CELF6: variants seen among roughly 807,000 people sequenced by gnomAD.
CELF6 encodes Bruno -like 6, RNA binding protein.
A neutral mutation model predicts 53.1 loss-of-function variants in CELF6; 32 were observed. The ratio of observed to expected loss-of-function variants is 0.60; its 90% CI spans 0.46 to 0.81. The LOEUF (loss-of-function observed/expected upper bound fraction) is 0.81. CELF6 is among the 30% of genes least tolerant of loss of function. The pLI is 0.00. For missense variants in CELF6, 539 were observed against 669.5 expected (o/e 0.81, Z 2.15); for synonymous variants, 291 against 288.8 (o/e 1.01, Z -0.08).
chr15:72,298,172 A>G (rs1427269496), intron 3 of CELF6, among the ~76,000 whole-genome samples: 1 of 152,176 alleles, frequency 6.6e-6, no homozygotes, highest in African/African-American at 2.4e-5. Flanking sequence ...TCAAAATTCA[A>G]TTTTAACTCA....
chr15:72,314,726 C>T (rs560188750), intron 2 of CELF6, among the ~76,000 whole-genome samples: 1 of 151,464 alleles, frequency 6.6e-6, no homozygotes, highest in Non-Finnish European at 1.5e-5. Flanking sequence ...TTCCAAGTAG[C>T]TGGGACTACA....
At chr15:72,290,602 G>A (rs1034445484) in intron 3 of CELF6, among the ~76,000 whole-genome samples, 1 of 152,156 alleles carries the variant, frequency 6.6e-6, no homozygotes, top group Non-Finnish European at 1.5e-5. Context: ...TTAGAGGTTG[G>A]GAAACGCTGT....
At chr15:72,318,757 G>A (rs2088392186) in intron 1 of CELF6, among the ~76,000 whole-genome samples, 1 of 152,248 alleles carries the variant, frequency 6.6e-6, no homozygotes, top group South Asian at 2.1e-4. Context: ...TGTGAGGGGA[G>A]GGAAAGAAAG....
intron 3 of CELF6, among the ~76,000 whole-genome samples, chr15:72,296,248 G>A (rs1280418130): frequency 6.6e-6 from 1 of 152,164 alleles, no homozygotes; most frequent in Non-Finnish European, 1.5e-5. Flanking sequence ...AGTCCTAAAT[G>A]TAAGAGCTAA....
At chr15:72,301,740 T>G (rs1421501406) in intron 3 of CELF6, among the ~76,000 whole-genome samples, 1 of 149,398 alleles carries the variant, frequency 6.7e-6, no homozygotes, top group African/African-American at 2.5e-5. Context: ...GTTGATTTTT[T>G]TTTTTTTTTT....
intron 2 of CELF6, chr15:72,306,431 A>G: frequency 3.0e-6 from 1 of 336,494 alleles, no homozygotes; most frequent in Non-Finnish European, 4.2e-6. Flanking sequence ...CCGAGACAAC[A>G]GGCAGCTTCC....
In CELF6 at chr15:72,290,035, G is replaced by A. The variant is rs374757353; in HGVS notation, c.524-17C>T. ...AGGCACAGCCTGGGGCAGGACAGAG[G>A]GAGCGGGTGGCTCAGGCCACAGGGG... is the stretch of plus-strand genomic sequence containing the variant. On this transcript the variant is annotated splice_polypyrimidine_tract_variant and intron_variant, in intron 4 of 12. Transcript: ENST00000287202. 6.2e-7 allele frequency: 1 copy of A among 1,612,504 alleles called. No individual in the cohort carries two copies. Among genetic ancestry groups the A allele is most frequent in the East Asian group, 2.2e-5 (1 of 44,838 alleles).
chr15:72,311,592 C>T (rs534057393), intron 2 of CELF6, among the ~76,000 whole-genome samples: 2 of 151,618 alleles, frequency 1.3e-5, no homozygotes, highest in East Asian at 3.9e-4. Context: ...TTAGTAGAGA[C>T]GGGGTTTCAC....
intron 3 of CELF6, 138 bp from the exon 4 acceptor site, chr15:72,290,393 G>T: frequency 9.3e-7 from 1 of 1,076,360 alleles, no homozygotes; most frequent in Non-Finnish European, 1.3e-6. Context: ...GGCTTCCAGG[G>T]TTGGTTTTCA....
rs541818810 is a variant in CELF6 at position 72,287,083 on chromosome 15, C to G, written c.*28+154G>C. 3.9e-5 allele frequency among the ~76,000 whole-genome samples: 6 copies of G among 152,336 alleles called. No homozygotes were observed. The South Asian group carries it at 1.2e-3, about 32-fold the overall frequency. On this transcript the variant is annotated intron_variant, in intron 12 of 12. Transcript: ENST00000287202. ...CCTTGGATTGAAGGAAAAGCAAAGT[C>G]TCCATCTGAGGTTTCCTCCTAGCTC... is the stretch of plus-strand genomic sequence containing the variant.
In CELF6 at chr15:72,289,931, G is replaced by T; in HGVS notation, c.603+8C>A. On this transcript the variant is annotated splice_region_variant and intron_variant, in intron 5 of 12. Coordinates refer to ENST00000287202, the MANE Select transcript of CELF6 (RefSeq NM_052840.5). The surrounding 1 kb of genome is among the most constrained non-coding windows in gnomAD (Gnocchi z 7.6). ...GCCTCACCCTCAGCCCAGGGAACCCGCCCTCACCGCCATGGTCCGGCTGCC... is the reference window on the plus strand; with the variant it reads ...GCCTCACCCTCAGCCCAGGGAACCCTCCCTCACCGCCATGGTCCGGCTGCC... 1.9e-6 allele frequency: 3 copies of T among 1,556,994 alleles called. No individual in the cohort carries two copies. The highest frequency in any genetic ancestry group is 8.7e-7 in the Non-Finnish European group (1 of 1,152,936).
intron 11 of CELF6, among the ~76,000 whole-genome samples, chr15:72,287,931 G>A (rs549558072): frequency 4.6e-5 from 7 of 151,636 alleles, no homozygotes; most frequent in Admixed American, 3.9e-4. Context: ...TTTCCCTCTC[G>A]GATTCAAGAA....
At chr15:72,294,050 A>G (rs780730966) in intron 3 of CELF6, among the ~76,000 whole-genome samples, 1 of 152,164 alleles carries the variant, frequency 6.6e-6, no homozygotes, top group African/African-American at 2.4e-5. Context: ...GCCCATCTCC[A>G]TGAAGCTGCC....
chr15:72,317,039 G>C (rs2088372038), intron 1 of CELF6, among the ~76,000 whole-genome samples: 1 of 152,204 alleles, frequency 6.6e-6, no homozygotes. Flanking sequence ...TATGAAGACT[G>C]AATCAAGAAT....
In CELF6 at chr15:72,288,699, CCAATT is replaced by C; in HGVS notation, c.1094-86_1094-82del. On this transcript the variant is annotated intron_variant, in intron 9 of 12. Coordinates refer to ENST00000287202, the MANE Select transcript of CELF6 (RefSeq NM_052840.5). This position sits in a 1 kb window ranked among gnomAD's most constrained non-coding sequence, Gnocchi z 4.6. The stretch of plus-strand genomic sequence containing the variant: ...GCCCCAACTGCCTGGCCGCTTTTGA[CCAATT>C]CAGCCCAGTCCACCATAACCCTCAC... 9 of 1,421,194 alleles carry C rather than the reference CCAATT, an allele frequency of 6.3e-6. No individual in the cohort carries two copies. Among genetic ancestry groups the C allele is most frequent in the Non-Finnish European group, 8.7e-6 (9 of 1,033,278 alleles). 88.0% of individuals were successfully genotyped at this position (1,421,194 alleles called of 1,614,324 possible).
In CELF6 at chr15:72,289,085, C is replaced by T; in HGVS notation, c.1030+53G>A. On this transcript the variant is annotated intron_variant, in intron 8 of 12. Transcript: ENST00000287202. This position sits in a 1 kb window ranked among gnomAD's most constrained non-coding sequence, Gnocchi z 7.6. ...AGGGAAGCCAGGCCCTAACCCCCCA[C>T]CCCCCGCTCCCCACTCCATTTCGGG... 3 of 1,401,846 alleles carry T rather than the reference C, an allele frequency of 2.1e-6. No individual in the cohort carries two copies. The highest frequency in any genetic ancestry group is 2.8e-5 in the Admixed American group (1 of 36,246). 86.8% of individuals were successfully genotyped at this position (1,401,846 alleles called of 1,614,324 possible). A position where few individuals can be genotyped will look rare whatever the true frequency, so the allele number is the denominator to read the frequency against.
chr15:72,299,918 A>C (rs1290914320), intron 3 of CELF6, among the ~76,000 whole-genome samples: 2 of 152,228 alleles, frequency 1.3e-5, no homozygotes, highest in African/African-American at 4.8e-5. Flanking sequence ...TGGTACTCTG[A>C]GAAAAGTGTT....
intron 2 of CELF6, among the ~76,000 whole-genome samples, chr15:72,312,410 T>A (rs1379741596): frequency 6.6e-6 from 1 of 152,152 alleles, no homozygotes; most frequent in Admixed American, 6.5e-5. Flanking sequence ...GCAGATCACT[T>A]GAAGTCAGGA....
intron 1 of CELF6, among the ~76,000 whole-genome samples, chr15:72,318,884 G>A (rs1207508007): frequency 2.0e-5 from 3 of 152,196 alleles, no homozygotes; most frequent in African/African-American, 7.2e-5. Context: ...ACACAGGGTG[G>A]CAGGAGTTCC....
Sources: allele counts gnomAD v4.1 joint callset (sites outside exome capture counted in the v4.1 genomes callset), GRCh38; gene constraint gnomAD v4.1.1; non-coding constraint Gnocchi (gnomAD v3.1); transcripts MANE v1.5; gene names NCBI Gene and HGNC (gene_info 2026-07-23, HGNC 2026-07-21).